Variants in CSMD1 observed in about 807,000 individuals in gnomAD.
CSMD1 encodes CUB and Sushi multiple domains 1.
In CSMD1, 213 loss-of-function variants were observed where a neutral mutation model predicts 417.5. The ratio of observed to expected loss-of-function variants is 0.51; its 90% CI spans 0.46 to 0.57. The LOEUF is 0.57. Ranked by LOEUF, CSMD1 falls within the 20% of genes least tolerant of loss-of-function variation. CSMD1 has a pLI of 0.00. For missense variants in CSMD1, 6,923 were observed against 4,529.7 expected, an observed-to-expected ratio of 1.53 and a Z score of -15.17; for synonymous variants, 2,862 against 1,736.8, an observed-to-expected ratio of 1.65 and a Z score of -16.11.
intron 1 of CSMD1, among the ~76,000 whole-genome samples, chr8:4,765,814 G>A (rs562095526): frequency 6.6e-6 from 1 of 152,158 alleles, no homozygotes; most frequent in Non-Finnish European, 1.5e-5. Context: ...AGCTGGATGT[G>A]GAGTTAACAA....
At chr8:4,018,480 G>C (rs1025430543) in intron 4 of CSMD1, among the ~76,000 whole-genome samples, 1 of 152,116 alleles carries the variant, frequency 6.6e-6, no homozygotes, top group Non-Finnish European at 1.5e-5. Context: ...TTTGCACAAG[G>C]AGCAGGTGGA....
At chr8:4,060,232 A>G (rs1460267434) in intron 3 of CSMD1, among the ~76,000 whole-genome samples, 2 of 39,788 alleles carry the variant, frequency 5.0e-5, no homozygotes, top group African/African-American at 9.6e-5. Flanking sequence ...GGCCTTTGAC[A>G]AAATTCAACA....
At chr8:4,079,011 C>A (rs1161793759) in intron 3 of CSMD1, among the ~76,000 whole-genome samples, 5 of 149,220 alleles carry the variant, frequency 3.4e-5, no homozygotes, top group African/African-American at 7.5e-5. Context: ...ATATGTCACC[C>A]ATCTGATTTG....
At chr8:3,294,200 G>C (rs922131366) in intron 25 of CSMD1, among the ~76,000 whole-genome samples, 4 of 151,108 alleles carry the variant, frequency 2.6e-5, no homozygotes, top group Non-Finnish European at 4.4e-5. Flanking sequence ...TTGTCTCAGA[G>C]TACCAGGCCG....
chr8:4,090,455 G>T (rs758638990), intron 3 of CSMD1, among the ~76,000 whole-genome samples: 3 of 151,968 alleles, frequency 2.0e-5, no homozygotes, highest in Non-Finnish European at 4.4e-5. Flanking sequence ...GAAAATACAT[G>T]GGAAGGTTTT....
chr8:4,105,699 T>A (rs974954081), intron 3 of CSMD1, among the ~76,000 whole-genome samples: 2 of 152,218 alleles, frequency 1.3e-5, no homozygotes, highest in African/African-American at 2.4e-5. Flanking sequence ...TAGCCTAGGC[T>A]GGGGTACCCC....
At chr8:4,019,366 T>C (rs1308355801) in intron 4 of CSMD1, among the ~76,000 whole-genome samples, 4 of 152,198 alleles carry the variant, frequency 2.6e-5, no homozygotes, top group Non-Finnish European at 5.9e-5. Flanking sequence ...TCTGTTCCCA[T>C]ACATCTCCGT....
chr8:4,765,226 C>G (rs926470295), intron 1 of CSMD1, among the ~76,000 whole-genome samples: 2 of 152,068 alleles, frequency 1.3e-5, no homozygotes, highest in African/African-American at 2.4e-5. Context: ...TAGCTCTTAC[C>G]TAGGCTGAAT....
At chr8:3,258,147 C>G (rs985315510) in intron 26 of CSMD1, among the ~76,000 whole-genome samples, 1 of 152,052 alleles carries the variant, frequency 6.6e-6, no homozygotes, top group Non-Finnish European at 1.5e-5. Flanking sequence ...TGAGAATGAA[C>G]AGGGTAAACA....
intron 8 of CSMD1, among the ~76,000 whole-genome samples, chr8:3,588,208 C>T (rs935345959): frequency 1.3e-5 from 2 of 152,018 alleles, no homozygotes; most frequent in Non-Finnish European, 2.9e-5. Context: ...TGAACATCTG[C>T]TATGTGTCAC....
At chr8:3,457,196 A>T (rs529276879) in intron 12 of CSMD1, among the ~76,000 whole-genome samples, 1 of 151,466 alleles carries the variant, frequency 6.6e-6, no homozygotes, top group African/African-American at 2.4e-5. Flanking sequence ...GTGGACTCCT[A>T]ACCTGGACCC....
Position 4,637,493 on chromosome 8 carries a change from C to A in CSMD1, c.151G>T (p.Gly51Trp). 6.2e-7 allele frequency: 1 copy of A among 1,613,806 alleles called. No individual in the cohort carries two copies. The highest frequency in any genetic ancestry group is 8.5e-7 in the Non-Finnish European group (1 of 1,179,862). Residue 51 changes from glycine (G) to tryptophan (W), a missense_variant, in exon 2 of 70, where the codon GGG becomes TGG. Gly to Trp is a radical substitution (Grantham distance 184). Coordinates refer to ENST00000635120, the MANE Select transcript of CSMD1 (RefSeq NM_033225.6). Reference protein sequence around the residue: ...GTIESPGFPHGYPNYANCTWI... With the variant: ...GTIESPGFPHWYPNYANCTWI... Reference sequence around the variant, plus strand: ...GTGCAGTTGGCATAGTTCGGATACCCGTGAGGAAACCCTGGGCTCTCAATA... The same window carrying A: ...GTGCAGTTGGCATAGTTCGGATACCAGTGAGGAAACCCTGGGCTCTCAATA...
chr8:2,976,819 T>A (rs1275706578), intron 55 of CSMD1, among the ~76,000 whole-genome samples: 7 of 151,254 alleles, frequency 4.6e-5, no homozygotes, highest in Admixed American at 4.6e-4. Flanking sequence ...GTCAATCTGA[T>A]TTTTTTTTCA....
chr8:3,268,207 T>C lies in CSMD1; in HGVS notation c.4153+15937A>G, dbSNP rs185416079. On this transcript the variant is annotated intron_variant, in intron 26 of 69. Coordinates refer to ENST00000635120, the MANE Select transcript of CSMD1 (RefSeq NM_033225.6). ...GAATGGTAAGTTTGTTGCTTCAGAA[T>C]GATTACACTAGTGCCATCATGCACA... 2.6e-5 allele frequency among the ~76,000 whole-genome samples: 4 copies of C among 151,542 alleles called. No individual in the cohort carries two copies. In the East Asian group the frequency reaches 5.9e-4, roughly 22 times the overall value.
intron 3 of CSMD1, among the ~76,000 whole-genome samples, chr8:4,386,494 T>A (rs1430446): frequency 1.3e-5 from 2 of 152,070 alleles, no homozygotes; most frequent in South Asian, 2.1e-4. Flanking sequence ...CAGTCTCCAA[T>A]AGAGAATCTC....
At chr8:3,303,991 G>C (rs922374328) in intron 25 of CSMD1, among the ~76,000 whole-genome samples, 1 of 151,932 alleles carries the variant, frequency 6.6e-6, no homozygotes, top group Non-Finnish European at 1.5e-5. Context: ...CTCAAACAAA[G>C]AGGAATAGCA....
chr8:3,691,265 G>A (rs941137310), intron 7 of CSMD1, among the ~76,000 whole-genome samples: 1 of 152,108 alleles, frequency 6.6e-6, no homozygotes, highest in Admixed American at 6.5e-5. Context: ...CTACTCAGGA[G>A]GCTGAAGCAG....
chr8:3,735,335 C>T (rs1160416383), intron 6 of CSMD1, among the ~76,000 whole-genome samples: 1 of 152,128 alleles, frequency 6.6e-6, no homozygotes. Context: ...CACACACACA[C>T]ACAACCAGAT....
chr8:4,035,765 C>A (rs146458809), intron 3 of CSMD1, among the ~76,000 whole-genome samples: 1 of 152,036 alleles, frequency 6.6e-6, no homozygotes. Context: ...TATGAAGTAA[C>A]GTTATACTAA....
Sources: gnomAD v4.1 joint callset for allele counts (sites outside exome capture counted in the v4.1 genomes callset) on GRCh38, gnomAD v4.1.1 for gene constraint, MANE v1.5 for transcripts, NCBI Gene and HGNC (gene_info 2026-07-23, HGNC 2026-07-21) for gene names.